PTPRB: variants seen among roughly 807,000 people sequenced by gnomAD.
The protein encoded by PTPRB is protein tyrosine phosphatase receptor type B.
PTPRB carries 97 observed loss-of-function variants against 238.1 expected under a neutral mutation model. That is an observed-to-expected ratio of 0.41 (90% CI 0.35 to 0.48). The LOEUF (loss-of-function observed/expected upper bound fraction) is 0.48, where lower values mean the gene tolerates loss of function less well. Among genes scored for constraint, PTPRB ranks in the 20% least tolerant of loss-of-function variants. The pLI, the probability that PTPRB is intolerant of heterozygous loss-of-function variation, is 0.30. For missense variants in PTPRB, 2,292 were observed against 2,681.9 expected (o/e 0.85, Z 3.21); for synonymous variants, 970 against 995.4 (o/e 0.97, Z 0.48).
At position 70,566,542 on chromosome 12, in the gene PTPRB, T is replaced by C. The variant is rs1399340623; in HGVS notation, c.3797A>G (p.Lys1266Arg). The change falls in exon 15 of 34, where the codon AAG becomes AGG. Residue 1266 changes from lysine (K) to arginine (R), a missense_variant. Physicochemically the swap from Lys to Arg is conservative, Grantham distance 26 (BLOSUM62 2). This residue lies in a region of PTPRB where 683 missense variants were observed against 862.0 expected (regional missense o/e 0.79). Coordinates refer to ENST00000334414, the MANE Select transcript of PTPRB (RefSeq NM_001109754.4). ...TGTTAGATCTTCAAATTTGTGTTGC[T>C]TAGTGGTGGCTGGCTCTGATGTGTT... The part of the protein sequence containing the change: ...LRNTSEPATT[K>R]QHKFEDLTPG... The C allele has an allele frequency of 6.2e-7, 1 of 1,614,014 alleles. No homozygotes were observed.
intron 18 of PTPRB, among the ~76,000 whole-genome samples, 200 bp from the exon 19 acceptor site, chr12:70,556,348 G>T (rs928104678): frequency 1.3e-5 from 2 of 152,190 alleles, no homozygotes; most frequent in Non-Finnish European, 2.9e-5. Context: ...AAAGCTGGAG[G>T]ACAGGTGTGG....
intron 10 of PTPRB, among the ~76,000 whole-genome samples, chr12:70,577,630 A>G (rs760640883): frequency 5.9e-5 from 9 of 152,210 alleles, no homozygotes; most frequent in Non-Finnish European, 1.2e-4. Flanking sequence ...ATGATTGTCA[A>G]TATCAGTACA....
intron 31 of PTPRB, among the ~76,000 whole-genome samples, chr12:70,532,403 C>G (rs1179656646): frequency 7.0e-6 from 1 of 142,338 alleles, no homozygotes; most frequent in African/African-American, 2.5e-5. Context: ...GGGATAAGTA[C>G]TGCTCTGCAC....
At position 70,592,460 on chromosome 12, in the gene PTPRB, A is replaced by G. The variant is rs780544604; in HGVS notation, c.1602T>C (p.Asn534=). The G allele has an allele frequency of 9.9e-6, 16 of 1,613,776 alleles. No homozygotes were observed. Among genetic ancestry groups the G allele is most frequent in the Non-Finnish European group, 1.4e-5 (16 of 1,179,824 alleles). ...LKVKWQRPPG[N]VDSYNITLSH... ...ACAGGGTGATATTGTAAGAATCCAC[A>G]TTTCCAGGAGGTCTTTGCCATTTGA... Residue 534 remains asparagine (N), a synonymous_variant, in exon 7 of 34, where the codon AAT becomes AAC. Coordinates refer to ENST00000334414, the MANE Select transcript of PTPRB (RefSeq NM_001109754.4).
chr12:70,554,783 A>G (rs1191671934), intron 20 of PTPRB, among the ~76,000 whole-genome samples: 1 of 152,218 alleles, frequency 6.6e-6, no homozygotes, highest in Non-Finnish European at 1.5e-5. Flanking sequence ...TAATGGTAGA[A>G]CAAAAGAGTA....
intron 2 of PTPRB, among the ~76,000 whole-genome samples, chr12:70,634,807 C>G (rs371538868): frequency 5.6e-4 from 85 of 152,302 alleles, no homozygotes; most frequent in African/African-American, 1.9e-3. Flanking sequence ...TGAGGCGCTT[C>G]GTTTCTTGAT....
chr12:70,613,026 T>A (rs1566014119), intron 3 of PTPRB, among the ~76,000 whole-genome samples: 1 of 152,158 alleles, frequency 6.6e-6, no homozygotes, highest in African/African-American at 2.4e-5. Flanking sequence ...GCTAAAAGTA[T>A]GAATCTTGTC....
At chr12:70,554,306 A>G (rs533413357) in intron 20 of PTPRB, among the ~76,000 whole-genome samples, 5 of 152,220 alleles carry the variant, frequency 3.3e-5, no homozygotes, top group Non-Finnish European at 7.4e-5. Context: ...TGCTTAAGAA[A>G]CTCATGCAGC....
chr12:70,545,856 G>T (rs1430029060), intron 21 of PTPRB, among the ~76,000 whole-genome samples: 1 of 152,242 alleles, frequency 6.6e-6, no homozygotes, highest in East Asian at 1.9e-4. Flanking sequence ...AAGGAGACAG[G>T]CTGGGAGCGG....
rs1872085131 is a variant in PTPRB at position 70,524,723 on chromosome 12, C to T, written c.6505-132G>A. The T allele has an allele frequency of 3.2e-6, 3 of 927,472 alleles. No homozygotes were observed. In the African/African-American group the frequency reaches 5.1e-5, roughly 16 times the overall value. 57.5% of individuals were successfully genotyped at this position (927,472 alleles called of 1,614,324 possible). ...TCTTGAACATCGCTTCACTAATGGTCTCTGGTAAATAAAAGAGTGACTGTC... is the reference window on the plus strand; with the variant it reads ...TCTTGAACATCGCTTCACTAATGGTTTCTGGTAAATAAAAGAGTGACTGTC... On this transcript the variant is annotated intron_variant, in intron 32 of 33. Transcript: ENST00000334414.
Position 70,581,028 on chromosome 12 carries a change from C to T in PTPRB, c.2578+8G>A. Reference sequence around the variant, plus strand: ...GTTAAGTCACAGACACATATCTCTACTTCTTACCTGTTCTTCCCTCCACAA... The same window carrying T: ...GTTAAGTCACAGACACATATCTCTATTTCTTACCTGTTCTTCCCTCCACAA... On this transcript the variant is annotated splice_region_variant and intron_variant, in intron 10 of 33. Coordinates refer to ENST00000334414, the MANE Select transcript of PTPRB (RefSeq NM_001109754.4). 1.4e-5 allele frequency: 22 copies of T among 1,612,764 alleles called. No individual in the cohort carries two copies. Among genetic ancestry groups the T allele is most frequent in the Non-Finnish European group, 1.9e-5 (22 of 1,179,210 alleles).
intron 9 of PTPRB, among the ~76,000 whole-genome samples, chr12:70,583,712 C>T (rs2136431422): frequency 6.6e-6 from 1 of 152,202 alleles, no homozygotes; most frequent in South Asian, 2.1e-4. Flanking sequence ...TTATAAAACC[C>T]AGGTGATCAA....
rs746520467 is a variant in PTPRB, at chr12:70,559,633, A to T, written c.4433-9T>A. 6.3e-7 allele frequency: 1 copy of T among 1,595,332 alleles called. No individual in the cohort carries two copies. Among genetic ancestry groups the T allele is most frequent in the South Asian group, 1.1e-5 (1 of 90,692 alleles). ...ACTGGGAGGACTTGGAGCTGAATGT[A>T]GGAGAAAGTGAAAAATCACATAATC... On this transcript the variant is annotated splice_polypyrimidine_tract_variant and intron_variant, in intron 17 of 33. Transcript: ENST00000334414.
intron 13 of PTPRB, among the ~76,000 whole-genome samples, chr12:70,570,558 A>G (rs550285037): frequency 1.3e-5 from 2 of 152,190 alleles, no homozygotes; most frequent in South Asian, 4.1e-4. Flanking sequence ...CATGTTGCCC[A>G]GGCTGTGCTT....
chr12:70,519,135 TAA>T lies in PTPRB; in HGVS notation c.*2352_*2353del, dbSNP rs1209429458. ...AAACATTTCCTGGGTTGGATTAGAC[TAA>T]AAAAACCTACGATTTTTCCCTGTCA... On this transcript the variant is annotated 3_prime_UTR_variant, in exon 34 of 34. Coordinates refer to ENST00000334414, the MANE Select transcript of PTPRB (RefSeq NM_001109754.4). 1 of 152,168 alleles carries T rather than the reference TAA, an allele frequency of 6.6e-6. No homozygotes were observed. The highest frequency in any genetic ancestry group is 1.5e-5 in the Non-Finnish European group (1 of 68,026). 9.4% of individuals were successfully genotyped at this position (152,168 alleles called of 1,614,324 possible).
At chr12:70,558,616 C>T (rs953846100) in intron 18 of PTPRB, among the ~76,000 whole-genome samples, 1 of 152,174 alleles carries the variant, frequency 6.6e-6, no homozygotes, top group African/African-American at 2.4e-5. Context: ...ATTTTTATCT[C>T]AGGGACATAC....
chr12:70,552,961 G>T lies in PTPRB; in HGVS notation c.5203C>A (p.His1735Asn), dbSNP rs889829945. 4.3e-6 allele frequency: 7 copies of T among 1,613,812 alleles called. No individual in the cohort carries two copies. The Admixed American group carries it at 1.0e-4, about 23-fold the overall frequency. ...TGATACACCCGAATGGAGGCATTGT[G>T]CCTGTACTCCAGGTAGGAAGGGAGA... ...HPLPSYLEYRHNASIRVYQTN... is the reference protein window; with the variant it reads ...HPLPSYLEYRNNASIRVYQTN... The change falls in exon 21 of 34, where the codon CAC (histidine) becomes AAC (asparagine). Residue 1735 changes from histidine (H) to asparagine (N), a missense_variant. This residue lies in a region of PTPRB where 683 missense variants were observed against 862.0 expected (regional missense o/e 0.79). Transcript: ENST00000334414.
intron 10 of PTPRB, among the ~76,000 whole-genome samples, chr12:70,577,053 C>CA (rs965711133): frequency 2.0e-4 from 31 of 152,126 alleles, no homozygotes; most frequent in African/African-American, 6.7e-4. Context: ...ACCAATAAAG[C>CA]AAAAATGTTT....
intron 31 of PTPRB, among the ~76,000 whole-genome samples, chr12:70,533,108 C>G (rs1488605324): frequency 6.6e-6 from 1 of 152,180 alleles, no homozygotes; most frequent in African/African-American, 2.4e-5. Flanking sequence ...TTGGGTTGGT[C>G]ATGGGCATGA....
Sources: gnomAD v4.1 joint callset for allele counts (sites outside exome capture counted in the v4.1 genomes callset) on GRCh38, gnomAD v4.1.1 for gene constraint, gnomAD v4.1.1 regional missense constraint, MANE v1.5 for transcripts, NCBI Gene and HGNC (gene_info 2026-07-23, HGNC 2026-07-21) for gene names.